Variants in HECW1 observed in about 807,000 individuals in gnomAD.
HECW1 encodes E3 ubiquitin-protein ligase HECW1.
HECW1 carries 61 observed loss-of-function variants against 182.3 expected under a neutral mutation model. The observed-to-expected ratio is 0.33, with a 90% CI of 0.27 to 0.41. The LOEUF (loss-of-function observed/expected upper bound fraction) is 0.41. Among genes scored for constraint, HECW1 ranks in the 10% least tolerant of loss-of-function variants. The pLI is 1.00. For synonymous variants in HECW1, 859 were observed against 832.6 expected (o/e 1.03, Z -0.55); for missense variants, 1,739 against 2,108.9 (o/e 0.82, Z 3.44).
chr7:43,333,260 T>A (rs773138019), intron 5 of HECW1, among the ~76,000 whole-genome samples: 8 of 152,122 alleles, frequency 5.3e-5, no homozygotes, highest in Non-Finnish European at 1.2e-4. Context: ...AAGATCAAGG[T>A]GGTTAGTATA....
chr7:43,305,352 T>C (rs1022582852), intron 3 of HECW1, among the ~76,000 whole-genome samples: 1 of 152,106 alleles, frequency 6.6e-6, no homozygotes, highest in African/African-American at 2.4e-5. Context: ...CCTTTTATCT[T>C]CTTGGCTGCC....
intron 3 of HECW1, among the ~76,000 whole-genome samples, chr7:43,276,197 T>C (rs1803121966): frequency 6.6e-6 from 1 of 152,160 alleles, no homozygotes; most frequent in Non-Finnish European, 1.5e-5. Flanking sequence ...CAGGGACAGT[T>C]TATTTTGGAT....
chr7:43,289,879 A>G (rs1248668578), intron 3 of HECW1, among the ~76,000 whole-genome samples: 2 of 152,214 alleles, frequency 1.3e-5, no homozygotes, highest in Non-Finnish European at 1.5e-5. Flanking sequence ...GGGGGCTTGC[A>G]AGTCATAGAT....
At chr7:43,166,557 G>A (rs192037227) in intron 2 of HECW1, among the ~76,000 whole-genome samples, 35 of 152,320 alleles carry the variant, frequency 2.3e-4, no homozygotes, top group African/African-American at 7.9e-4. Flanking sequence ...AGAAAAGATA[G>A]GGGTTAGTCA....
At position 43,324,477 on chromosome 7, in the gene HECW1, G is replaced by A. The variant is rs1212077564; in HGVS notation, c.460+3735G>A. On this transcript the variant is annotated intron_variant, in intron 5 of 29. Coordinates refer to ENST00000395891, the MANE Select transcript of HECW1 (RefSeq NM_015052.5). Reference sequence around the variant, plus strand: ...TTTCAAAAATGTATGATTGAGAGGTGCCAAATTAACAAGTAGGGAGAGATT... The same window carrying A: ...TTTCAAAAATGTATGATTGAGAGGTACCAAATTAACAAGTAGGGAGAGATT... Among the ~76,000 whole-genome samples the A allele has an allele frequency of 2.6e-5, 4 of 152,116 alleles. No homozygotes were observed. The South Asian group carries it at 6.2e-4, about 24-fold the overall frequency.
At position 43,311,900 on chromosome 7, in the gene HECW1, C is replaced by T. The variant is rs370542628; in HGVS notation, c.165C>T (p.Gly55=). The T allele has an allele frequency of 9.9e-6, 16 of 1,614,190 alleles. No homozygotes were observed. Among genetic ancestry groups the T allele is most frequent in the East Asian group, 2.2e-5 (1 of 44,880 alleles). Residue 55 remains glycine (G), a synonymous_variant, in exon 4 of 30, where the codon GGC becomes GGT. Coordinates refer to ENST00000395891, the MANE Select transcript of HECW1 (RefSeq NM_015052.5). Reference sequence around the variant, plus strand: ...AGTTCCACAACATGGACCTCAGGGGCGGCCCCCACGATGGCGTCACCATTC... The same window carrying T: ...AGTTCCACAACATGGACCTCAGGGGTGGCCCCCACGATGGCGTCACCATTC... ...PDQFHNMDLR[G]GPHDGVTIPR...
intron 3 of HECW1, among the ~76,000 whole-genome samples, chr7:43,259,179 G>A (rs1383260767): frequency 1.3e-5 from 2 of 152,096 alleles, no homozygotes; most frequent in African/African-American, 2.4e-5. Context: ...CTAAGGTTAG[G>A]ACTTCGAGAC....
chr7:43,174,187 G>A (rs1474300541), intron 2 of HECW1, among the ~76,000 whole-genome samples: 1 of 152,054 alleles, frequency 6.6e-6, no homozygotes, highest in Non-Finnish European at 1.5e-5. Context: ...CTGGGAAGAT[G>A]TCCTAAATAT....
chr7:43,410,880 C>T (rs931737556), intron 8 of HECW1, among the ~76,000 whole-genome samples: 7 of 151,786 alleles, frequency 4.6e-5, no homozygotes, highest in African/African-American at 1.5e-4. Flanking sequence ...TGGTGAATTG[C>T]TTTTTTTCTC....
At chr7:43,395,525 C>T (rs965103399) in intron 6 of HECW1, among the ~76,000 whole-genome samples, 6 of 152,224 alleles carry the variant, frequency 3.9e-5, no homozygotes, top group African/African-American at 1.4e-4. Flanking sequence ...TCAAATGAGA[C>T]TCTAAGGGAC....
intron 3 of HECW1, among the ~76,000 whole-genome samples, chr7:43,278,370 G>A (rs1245378646): frequency 1.3e-5 from 2 of 152,072 alleles, no homozygotes; most frequent in African/African-American, 4.8e-5. Context: ...TCTGGAATCT[G>A]ATCGTCTCTC....
intron 12 of HECW1, 91 bp downstream of exon 12, chr7:43,451,020 T>A: frequency 1.1e-6 from 1 of 885,582 alleles, no homozygotes; most frequent in Non-Finnish European, 1.9e-6. Context: ...TCTAAAGTCT[T>A]TCCCGACTCC....
intron 27 of HECW1, among the ~76,000 whole-genome samples, chr7:43,551,007 T>C (rs941209842): frequency 6.6e-5 from 10 of 152,340 alleles, no homozygotes; most frequent in African/African-American, 2.2e-4. Flanking sequence ...AGCATCATGT[T>C]GTGCCACGTA....
chr7:43,412,719 T>C, intron 8 of HECW1, among the ~76,000 whole-genome samples: 1 of 151,470 alleles, frequency 6.6e-6, no homozygotes, highest in Non-Finnish European at 1.5e-5. Flanking sequence ...TTTTTAGTTC[T>C]TGCGATAGTT....
chr7:43,475,257 T>C (rs1273067068), intron 16 of HECW1, among the ~76,000 whole-genome samples: 2 of 152,158 alleles, frequency 1.3e-5, no homozygotes, highest in Non-Finnish European at 2.9e-5. Flanking sequence ...AAGCAGAATA[T>C]AGCCAGGTCA....
intron 2 of HECW1, among the ~76,000 whole-genome samples, chr7:43,213,710 G>A: frequency 1.3e-5 from 2 of 152,066 alleles, no homozygotes. Flanking sequence ...CTCCAAAAGT[G>A]CTGGGATTAC....
chr7:43,143,819 A>G (rs1403844331), intron 2 of HECW1, among the ~76,000 whole-genome samples: 1 of 152,218 alleles, frequency 6.6e-6, no homozygotes, highest in African/African-American at 2.4e-5. Flanking sequence ...TGGGGTGGGC[A>G]CAAGACATTG....
At position 43,332,078 on chromosome 7, in the gene HECW1, G is replaced by A. The variant is rs1249110400; in HGVS notation, c.460+11336G>A. Among the ~76,000 whole-genome samples, 10 of 152,258 alleles carry A rather than the reference G, an allele frequency of 6.6e-5. No individual in the cohort carries two copies. The East Asian group carries it at 1.7e-3, about 26-fold the overall frequency. Reference sequence around the variant, plus strand: ...AAGAGACAGGAAGAAATGTGTTTCTGCTGACCATTCTACAGTGCCCGCTTT... The same window carrying A: ...AAGAGACAGGAAGAAATGTGTTTCTACTGACCATTCTACAGTGCCCGCTTT... On this transcript the variant is annotated intron_variant, in intron 5 of 29. Coordinates refer to ENST00000395891, the MANE Select transcript of HECW1 (RefSeq NM_015052.5).
At chr7:43,128,548 A>G (rs761349936) in intron 2 of HECW1, among the ~76,000 whole-genome samples, 4 of 152,252 alleles carry the variant, frequency 2.6e-5, no homozygotes, top group African/African-American at 9.6e-5. Context: ...ACCCAAGAGC[A>G]CTGGTGAAGA....
Sources: gnomAD v4.1 joint callset for allele counts (sites outside exome capture counted in the v4.1 genomes callset) on GRCh38, gnomAD v4.1.1 for gene constraint, MANE v1.5 for transcripts, NCBI Gene and HGNC (gene_info 2026-07-23, HGNC 2026-07-21) for gene names.